NEB: variants seen among roughly 807,000 people sequenced by gnomAD.
NEB encodes nebulin.
In NEB, 512 loss-of-function variants were observed where a neutral mutation model predicts 952.2. The ratio of observed to expected loss-of-function variants is 0.54; its 90% CI spans 0.50 to 0.58. The LOEUF (loss-of-function observed/expected upper bound fraction) is 0.58, where lower values mean the gene tolerates loss of function less well. Among genes scored for constraint, NEB ranks in the 20% least tolerant of loss-of-function variants. The pLI, the probability that NEB is intolerant of heterozygous loss-of-function variation, is 0.00. For synonymous variants in NEB, 2,900 were observed against 3,149.8 expected, an observed-to-expected ratio of 0.92 and a Z score of 2.66; for missense variants, 8,428 against 9,231.1, an observed-to-expected ratio of 0.91 and a Z score of 3.56.
Position 151,609,911 on chromosome 2 carries a change from C to A in NEB, c.12228G>T (p.Leu4076Phe), listed in dbSNP as rs1474424029. ...AATTGCGATAATCAATGTCAGTGAC[C>A]AAAGTCTGACATTTCTTGGCCAGCA... ...SILLAKKCQT[L>F]VTDIDYRNYL... Residue 4076 changes from leucine (L) to phenylalanine (F), a missense_variant, in exon 81 of 182, where the codon TTG becomes TTT. Physicochemically the swap from Leu to Phe is conservative, Grantham distance 22. Around this residue, in one of 11 missense-constraint regions of NEB, gnomAD observed 337 missense variants for 297.5 expected, o/e 1.13. Transcript: ENST00000397345. The A allele has an allele frequency of 6.2e-7, 1 of 1,613,886 alleles. No homozygotes were observed. The highest frequency in any genetic ancestry group is 1.3e-5 in the African/African-American group (1 of 75,048).
chr2:151,626,616 G>A (rs540588920), intron 70 of NEB, among the ~76,000 whole-genome samples: 2 of 150,870 alleles, frequency 1.3e-5, no homozygotes, highest in Admixed American at 6.6e-5. Context: ...AGCTCACTAC[G>A]AGCTCCGCCT....
intron 179 of NEB, 89 bp downstream of exon 179, chr2:151,491,594 G>T: frequency 1.8e-6 from 2 of 1,107,966 alleles, no homozygotes; most frequent in Non-Finnish European, 2.7e-6. Flanking sequence ...ACTCTGGAGG[G>T]AAGGAACTTC....
intron 78 of NEB, 109 bp from the exon 79 acceptor site, chr2:151,610,975 T>C (rs1196657576): frequency 3.0e-6 from 2 of 660,754 alleles, no homozygotes; most frequent in East Asian, 5.6e-5. Flanking sequence ...CACATTTAAC[T>C]ATAAAATAGC....
intron 24 of NEB, 168 bp downstream of exon 24, chr2:151,690,559 G>A (rs1487138768): frequency 1.7e-6 from 1 of 599,694 alleles, no homozygotes; most frequent in Non-Finnish European, 3.0e-6. Flanking sequence ...CTTTCCTCAG[G>A]CTGCAATTCA....
chr2:151,568,208 A>G (rs1560033350), intron 112 of NEB, 30 bp from the exon 113 acceptor site: 1 of 1,603,662 alleles, frequency 6.2e-7, no homozygotes, highest in Non-Finnish European at 8.5e-7. Flanking sequence ...TAAAGGGTTA[A>G]AATGAGGAGT....
rs371669095 is a variant in NEB, at chr2:151,563,913, C to T, written c.18489G>A (p.Ala6163=). Reference sequence around the variant, plus strand: ...AGCCATAGGCCTTGGTGCCCTCCCACGCCCCTTTATACAGTATCTAGAACA... The same window carrying T: ...AGCCATAGGCCTTGGTGCCCTCCCATGCCCCTTTATACAGTATCTAGAACA... ...KLYSTILYKG[A]WEGTKAYGYT... The change falls in exon 118 of 182, where the codon GCG becomes GCA. Residue 6163 remains alanine, a synonymous_variant. Transcript: ENST00000397345. 76 of 1,608,804 alleles carry T rather than the reference C, an allele frequency of 4.7e-5. No homozygotes were observed. Among genetic ancestry groups the T allele is most frequent in the Middle Eastern group, 1.6e-4 (1 of 6,072 alleles).
chr2:151,701,399 T>G (rs1312341598), intron 13 of NEB, among the ~76,000 whole-genome samples: 114 of 150,750 alleles, frequency 7.6e-4, no homozygotes, highest in African/African-American at 2.6e-3. Context: ...TAGGGAGGAT[T>G]CCCTCTTTTT....
rs759133421 is a variant in NEB at position 151,563,637 on chromosome 2, T to G, written c.18662A>C (p.His6221Pro). Residue 6221 changes from histidine (H) to proline (P), a missense_variant, in exon 119 of 182, where the codon CAC becomes CCC. Coordinates refer to ENST00000397345, the MANE Select transcript of NEB (RefSeq NM_001164508.2). The part of the protein sequence containing the change: ...KVIGEFPGVV[H>P]CLDFQKMRSA... Reference sequence around the variant, plus strand: ...CCTCATCTTTTGGAAATCCAGACAGTGAACCACACCAGGGAATTCACCGAT... The same window carrying G: ...CCTCATCTTTTGGAAATCCAGACAGGGAACCACACCAGGGAATTCACCGAT... The G allele has an allele frequency of 1.2e-6, 2 of 1,613,732 alleles. No individual in the cohort carries two copies. Among genetic ancestry groups the G allele is most frequent in the African/African-American group, 2.7e-5 (2 of 74,900 alleles).
At chr2:151,673,000 TGGTTTCATAG>T (rs1424544750) in intron 36 of NEB, among the ~76,000 whole-genome samples, 1 of 152,202 alleles carries the variant, frequency 6.6e-6, no homozygotes, top group Non-Finnish European at 1.5e-5. Context: ...CAATATCTCT[TGGTTTCATAG>T]GGTTTCATAG....
intron 135 of NEB, among the ~76,000 whole-genome samples, chr2:151,544,013 C>T (rs1390771409): frequency 6.6e-6 from 1 of 152,186 alleles, no homozygotes; most frequent in Non-Finnish European, 1.5e-5. Flanking sequence ...TTAACCCTCC[C>T]CCGCTCTCCA....
chr2:151,656,098 A>G, intron 49 of NEB, 55 bp downstream of exon 49: 1 of 1,579,682 alleles, frequency 6.3e-7, no homozygotes, highest in Non-Finnish European at 8.6e-7. Context: ...ACAGACTGTG[A>G]TCTCCCTTCC....
chr2:151,567,947 C>T (rs1577914748), intron 113 of NEB, 124 bp downstream of exon 113: 1 of 686,662 alleles, frequency 1.5e-6, no homozygotes, highest in Non-Finnish European at 2.5e-6. Context: ...ATCACCAAGC[C>T]TGGCCAGGTC....
chr2:151,683,434 T>C (rs1466082108), intron 28 of NEB, among the ~76,000 whole-genome samples: 4 of 152,238 alleles, frequency 2.6e-5, no homozygotes, highest in African/African-American at 9.6e-5. Flanking sequence ...AAATTTACGT[T>C]TTAGATACAA....
chr2:151,638,992 G>T (rs544182833), intron 63 of NEB, among the ~76,000 whole-genome samples: 11 of 152,000 alleles, frequency 7.2e-5, no homozygotes, highest in African/African-American at 2.2e-4. Context: ...TACATGTATA[G>T]GTCAATTGCT....
At position 151,644,068 on chromosome 2, in the gene NEB, T is replaced by G. The variant is rs1454962741; in HGVS notation, c.7706A>C (p.Glu2569Ala). The G allele has an allele frequency of 1.2e-6, 2 of 1,613,896 alleles. No homozygotes were observed. The highest frequency in any genetic ancestry group is 2.7e-5 in the African/African-American group (2 of 74,928). ...LGHHIGARNI[E>A]DDPKMMWSMH... Reference sequence around the variant, plus strand: ...GGACCACATCATCTTGGGGTCATCTTCAATGTTCCGGGCACCAATGTGGTG... The same window carrying G: ...GGACCACATCATCTTGGGGTCATCTGCAATGTTCCGGGCACCAATGTGGTG... Residue 2569 changes from glutamate to alanine, a missense_variant, in exon 57 of 182, where the codon GAA becomes GCA. Transcript: ENST00000397345.
At chr2:151,500,973 T>C (rs2064023818) in intron 168 of NEB, among the ~76,000 whole-genome samples, 1 of 152,218 alleles carries the variant, frequency 6.6e-6, no homozygotes, top group Non-Finnish European at 1.5e-5. Context: ...GAATAGGGTC[T>C]ATGTTAAGAT....
chr2:151,700,713 T>C (rs1207537658), intron 13 of NEB, among the ~76,000 whole-genome samples: 2 of 120,466 alleles, frequency 1.7e-5, no homozygotes, highest in Non-Finnish European at 3.5e-5. Context: ...TACATTGATT[T>C]TGTATCCTGA....
intron 13 of NEB, among the ~76,000 whole-genome samples, chr2:151,699,038 G>A (rs1320304672): frequency 4.5e-5 from 6 of 133,152 alleles, no homozygotes; most frequent in Admixed American, 8.2e-5. Flanking sequence ...ACAGTCCCCA[G>A]AGTGTGATAT....
intron 70 of NEB, among the ~76,000 whole-genome samples, chr2:151,626,424 T>C (rs1485370691): frequency 6.6e-6 from 1 of 151,598 alleles, no homozygotes; most frequent in African/African-American, 2.4e-5. Context: ...CTTGCATCTT[T>C]CTTGTTTGCT....
Sources: allele counts gnomAD v4.1 joint callset (sites outside exome capture counted in the v4.1 genomes callset), GRCh38; gene constraint gnomAD v4.1.1; regional missense constraint gnomAD v4.1.1; transcripts MANE v1.5; gene names NCBI Gene and HGNC (gene_info 2026-07-23, HGNC 2026-07-21).